AKAP8L: variants seen among roughly 807,000 people sequenced by gnomAD.
AKAP8L encodes A-kinase anchoring protein 8 like, also known as A-kinase anchor protein 8-like.
A neutral mutation model predicts 77.5 loss-of-function variants in AKAP8L; 34 were observed. The observed-to-expected ratio is 0.44, with a 90% confidence interval of 0.33 to 0.58. The LOEUF (loss-of-function observed/expected upper bound fraction) is 0.58. AKAP8L is among the 20% of genes least tolerant of loss of function. The probability of loss-of-function intolerance (pLI) is 0.02; values close to 1 mark genes in which losing one functional copy is unlikely to be tolerated. For synonymous variants in AKAP8L, 342 were observed against 340.7 expected (o/e 1.00, Z -0.04); for missense variants, 806 against 887.6 (o/e 0.91, Z 1.17).
chr19:15,397,326 A>G lies in AKAP8L; in HGVS notation c.1406-46T>C, dbSNP rs543338856. ...TCACCACTGGGCCCAGGTGCCTAAG[A>G]TAGACCCAGGTGTTCGAGAAAAAAA... On this transcript the variant is annotated intron_variant, in intron 11 of 13. Transcript: ENST00000397410. The surrounding 1 kb of genome is among the most constrained non-coding windows in gnomAD (Gnocchi z 4.7). 6.2e-7 allele frequency: 1 copy of G among 1,608,778 alleles called. No individual in the cohort carries two copies. Among genetic ancestry groups the G allele is most frequent in the Admixed American group, 1.7e-5 (1 of 59,774 alleles).
chr19:15,387,062 A>T (rs941576733), intron 12 of AKAP8L, among the ~76,000 whole-genome samples: 1 of 152,206 alleles, frequency 6.6e-6, no homozygotes, highest in Non-Finnish European at 1.5e-5. Context: ...ACCCAGCCAC[A>T]CGCACGTGGA....
In AKAP8L at chr19:15,416,651, A is replaced by G. The variant is rs200212641; in HGVS notation, c.13+2260T>C. On this transcript the variant is annotated intron_variant, in intron 1 of 13. Coordinates refer to ENST00000397410, the MANE Select transcript of AKAP8L (RefSeq NM_014371.4). ...TCACCTATCCATTCCAAACATAAAG[A>G]AACTGTGTGAGACAATAAATGTTTC... 4.6e-5 allele frequency among the ~76,000 whole-genome samples: 7 copies of G among 152,332 alleles called. No individual in the cohort carries two copies. In the East Asian group the frequency reaches 1.2e-3, roughly 25 times the overall value.
At chr19:15,396,141 G>A (rs1458401652) in intron 12 of AKAP8L, among the ~76,000 whole-genome samples, 4 of 151,946 alleles carry the variant, frequency 2.6e-5, no homozygotes, top group South Asian at 2.1e-4. Flanking sequence ...CCTGTCCACC[G>A]TTCAGAATCA....
chr19:15,390,048 T>TA (rs763927364), intron 12 of AKAP8L, among the ~76,000 whole-genome samples: 498 of 148,726 alleles, frequency 3.3e-3, no homozygotes, highest in Admixed American at 5.4e-3. Context: ...AAAAATGACT[T>TA]AAAAAAAAAC....
Position 15,401,361 on chromosome 19 carries a change from T to C in AKAP8L, c.605A>G (p.Glu202Gly). 1 of 1,613,290 alleles carries C rather than the reference T, an allele frequency of 6.2e-7. No individual in the cohort carries two copies. Among genetic ancestry groups the C allele is most frequent in the Non-Finnish European group, 8.5e-7 (1 of 1,179,820 alleles). ...PMASGYGRMW[E>G]DPMGARGQCM... ...CTGGCCCCGGGCCCCCATGGGGTCT[T>C]CCCACATGCGCCCATAGCCTGAGGC... Residue 202 changes from glutamate to glycine, a missense_variant, in exon 5 of 14, where the codon GAA (glutamate) becomes GGA (glycine). Around this residue, in one of 2 missense-constraint regions of AKAP8L, gnomAD observed 580 missense variants for 694.1 expected, o/e 0.84. Coordinates refer to ENST00000397410, the MANE Select transcript of AKAP8L (RefSeq NM_014371.4). This position sits in a 1 kb window ranked among gnomAD's most constrained non-coding sequence, Gnocchi z 6.2.
chr19:15,406,781 T>G (rs532629030), intron 2 of AKAP8L, among the ~76,000 whole-genome samples: 1 of 151,944 alleles, frequency 6.6e-6, no homozygotes, highest in African/African-American at 2.4e-5. Flanking sequence ...ACATAATTTT[T>G]AAAAGAAAAA....
rs1051389027 is a variant in AKAP8L at position 15,403,322 on chromosome 19, CGGGAAGTGCAACGGACCCTGCT to C, written c.362+131_362+152del. The C allele has an allele frequency of 2.9e-6, 2 of 687,498 alleles. No individual in the cohort carries two copies. The highest frequency in any genetic ancestry group is 5.0e-6 in the Non-Finnish European group (2 of 399,260). 42.6% of individuals were successfully genotyped at this position (687,498 alleles called of 1,614,324 possible). ...GGTGAGAGGAGACACAAGTCAGAGA[CGGGAAGTGCAACGGACCCTGCT>C]GGGAGCCACAGCAGCACCAAGCAGC... is the stretch of plus-strand genomic sequence containing the variant. On this transcript the variant is annotated intron_variant, in intron 4 of 13. Coordinates refer to ENST00000397410, the MANE Select transcript of AKAP8L (RefSeq NM_014371.4). This position sits in a 1 kb window ranked among gnomAD's most constrained non-coding sequence, Gnocchi z 4.3.
chr19:15,409,050 ACTAAAACAC>A (rs1195876212), intron 2 of AKAP8L, among the ~76,000 whole-genome samples: 1 of 152,196 alleles, frequency 6.6e-6, no homozygotes, highest in African/African-American at 2.4e-5. Context: ...AAAACCCACA[ACTAAAACAC>A]CTAAAAGAAA....
chr19:15,399,359 G>C lies in AKAP8L; in HGVS notation c.1100C>G (p.Ala367Gly), dbSNP rs1315933546. The C allele has an allele frequency of 6.2e-7, 1 of 1,613,910 alleles. No homozygotes were observed. Among genetic ancestry groups the C allele is most frequent in the Non-Finnish European group, 8.5e-7 (1 of 1,179,870 alleles). The change falls in exon 9 of 14, where the codon GCA becomes GGA. Residue 367 changes from alanine to glycine, a missense_variant. By Grantham distance (60) the Ala-to-Gly change is moderately conservative. Coordinates refer to ENST00000397410, the MANE Select transcript of AKAP8L (RefSeq NM_014371.4). This position sits in a 1 kb window ranked among gnomAD's most constrained non-coding sequence, Gnocchi z 6.1. ...CTGCTTGTCCTGACTCTTCTTGCCTGCCTGCAACTTGCGCTTGGTCTGGCC... is the reference window on the plus strand; with the variant it reads ...CTGCTTGTCCTGACTCTTCTTGCCTCCCTGCAACTTGCGCTTGGTCTGGCC... The part of the protein sequence containing the change: ...ENGQTKRKLQ[A>G]GKKSQDKQKK...
rs1387928735 is a variant in AKAP8L at position 15,380,265 on chromosome 19, C to A, written c.1798G>T (p.Val600Leu). Residue 600 changes from valine (V) to leucine (L), a missense_variant, in exon 14 of 14, where the codon GTG (valine) becomes TTG (leucine). Around this residue, in one of 2 missense-constraint regions of AKAP8L, gnomAD observed 226 missense variants for 193.5 expected, o/e 1.17. Coordinates refer to ENST00000397410, the MANE Select transcript of AKAP8L (RefSeq NM_014371.4). Reference protein sequence around the residue: ...PVPPEPAPGAVSPPPPPPPEE... With the variant: ...PVPPEPAPGALSPPPPPPPEE... Reference sequence around the variant, plus strand: ...GGGGGCGGCGGCGGTGGCGGCGACACGGCCCCGGGGGCTGGCTCTGGGGGC... The same window carrying A: ...GGGGGCGGCGGCGGTGGCGGCGACAAGGCCCCGGGGGCTGGCTCTGGGGGC... The A allele has an allele frequency of 6.7e-7, 1 of 1,500,984 alleles. No homozygotes were observed. The highest frequency in any genetic ancestry group is 8.8e-7 in the Non-Finnish European group (1 of 1,135,392). 93.0% of individuals were successfully genotyped at this position (1,500,984 alleles called of 1,614,324 possible).
chr19:15,414,291 A>C (rs2145151910), intron 1 of AKAP8L, among the ~76,000 whole-genome samples: 1 of 152,192 alleles, frequency 6.6e-6, no homozygotes, highest in African/African-American at 2.4e-5. Flanking sequence ...TCCCGACCTC[A>C]GAAGATCTGC....
chr19:15,396,289 C>T (rs1391354776), intron 12 of AKAP8L, among the ~76,000 whole-genome samples: 2 of 151,920 alleles, frequency 1.3e-5, no homozygotes. Context: ...ACAGCCAAGC[C>T]CCTCTTTGGC....
chr19:15,407,574 G>A lies in AKAP8L; in HGVS notation c.88+2946C>T, dbSNP rs1166001141. Among the ~76,000 whole-genome samples, 3 of 152,140 alleles carry A rather than the reference G, an allele frequency of 2.0e-5. No individual in the cohort carries two copies. The East Asian group carries it at 5.8e-4, about 29-fold the overall frequency. On this transcript the variant is annotated intron_variant, in intron 2 of 13. Coordinates refer to ENST00000397410, the MANE Select transcript of AKAP8L (RefSeq NM_014371.4). ...TAAGTCAAATTTCAAATATTACAAG[G>A]TAAACCTACAAATCAAATAGCAATC...
chr19:15,412,800 C>T (rs1038804914), intron 1 of AKAP8L, among the ~76,000 whole-genome samples: 3 of 152,208 alleles, frequency 2.0e-5, no homozygotes, highest in African/African-American at 7.2e-5. Context: ...CCTTGGCCTC[C>T]CAAAGTGCTG....
At chr19:15,388,666 A>T (rs1967591302) in intron 12 of AKAP8L, among the ~76,000 whole-genome samples, 2 of 152,218 alleles carry the variant, frequency 1.3e-5, no homozygotes, top group African/African-American at 4.8e-5. Flanking sequence ...CTGTAATCCC[A>T]GCACTTTGGG....
chr19:15,408,365 G>A (rs979154430), intron 2 of AKAP8L, among the ~76,000 whole-genome samples: 2 of 151,582 alleles, frequency 1.3e-5, no homozygotes, highest in Admixed American at 6.6e-5. Flanking sequence ...GGGAATTCAA[G>A]ACCAGCCTGG....
chr19:15,389,168 T>C (rs1465697721), intron 12 of AKAP8L, among the ~76,000 whole-genome samples: 1 of 141,362 alleles, frequency 7.1e-6, no homozygotes, highest in Non-Finnish European at 1.5e-5. Flanking sequence ...GAGCTTGCAG[T>C]GTGCAGAGAT....
chr19:15,416,923 A>C (rs1968217943), intron 1 of AKAP8L, among the ~76,000 whole-genome samples: 1 of 152,236 alleles, frequency 6.6e-6, no homozygotes, highest in African/African-American at 2.4e-5. Flanking sequence ...TAAAGCTATT[A>C]GTTGTCTGAA....
intron 12 of AKAP8L, among the ~76,000 whole-genome samples, chr19:15,396,949 C>T (rs958586726): frequency 9.9e-5 from 15 of 152,214 alleles, no homozygotes; most frequent in Admixed American, 7.2e-4. Flanking sequence ...AATATATCAC[C>T]TTCTCCCAGG....
Sources: gnomAD v4.1 joint callset for allele counts (sites outside exome capture counted in the v4.1 genomes callset) on GRCh38, gnomAD v4.1.1 for gene constraint, gnomAD v4.1.1 regional missense constraint, Gnocchi (gnomAD v3.1) non-coding constraint, MANE v1.5 for transcripts, NCBI Gene and HGNC (gene_info 2026-07-23, HGNC 2026-07-21) for gene names.